XKR4: variants seen among roughly 807,000 people sequenced by gnomAD.
XKR4 encodes XK related 4.
Under a neutral mutation model 53.9 loss-of-function variants are expected in XKR4, and 12 were observed. That is an observed-to-expected ratio of 0.22 (90% confidence interval 0.14 to 0.36). The LOEUF (loss-of-function observed/expected upper bound fraction) is 0.36, where lower values mean the gene tolerates loss of function less well. Ranked by LOEUF, XKR4 falls within the 10% of genes least tolerant of loss-of-function variation. The pLI is 1.00. For missense variants in XKR4, 799 were observed against 859.5 expected, an observed-to-expected ratio of 0.93 and a Z score of 0.88; for synonymous variants, 354 against 362.4, an observed-to-expected ratio of 0.98 and a Z score of 0.26.
At chr8:55,400,282 T>A (rs1804579477) in intron 2 of XKR4, among the ~76,000 whole-genome samples, 1 of 152,098 alleles carries the variant, frequency 6.6e-6, no homozygotes, top group African/African-American at 2.4e-5. Context: ...CACCCCACCA[T>A]CATCAGACTC....
At chr8:55,501,211 C>T (rs1255961803) in intron 2 of XKR4, among the ~76,000 whole-genome samples, 5 of 152,134 alleles carry the variant, frequency 3.3e-5, no homozygotes, top group East Asian at 1.9e-4. Flanking sequence ...GTACAACTTC[C>T]GCTTGAACTG....
intron 1 of XKR4, among the ~76,000 whole-genome samples, chr8:55,302,256 C>T (rs1393901642): frequency 1.3e-5 from 2 of 152,182 alleles, no homozygotes; most frequent in Non-Finnish European, 2.9e-5. Context: ...ATAGGGAATC[C>T]TTTCCCCATT....
rs146370392 is a variant in XKR4 at position 55,440,148 on chromosome 8, T to C, written c.1006+82271T>C. Among the ~76,000 whole-genome samples the C allele has an allele frequency of 1.7e-3, 264 of 152,302 alleles. 1 individual carries two copies. The highest frequency in any genetic ancestry group is 3.2e-3 in the Non-Finnish European group (220 of 68,010). ...AGAAGTGTGTATCCAGAATATAGTA[T>C]GTTTTAGTTACAAGAGTGAAATATA... is the stretch of plus-strand genomic sequence containing the variant. On this transcript the variant is annotated intron_variant, in intron 2 of 2. Coordinates refer to ENST00000327381, the MANE Select transcript of XKR4 (RefSeq NM_052898.2).
intron 1 of XKR4, among the ~76,000 whole-genome samples, chr8:55,263,276 T>C (rs761761643): frequency 2.0e-5 from 3 of 152,232 alleles, no homozygotes; most frequent in Non-Finnish European, 4.4e-5. Flanking sequence ...GGAGAACGTA[T>C]GGATGTGTGA....
chr8:55,277,778 C>CCCATGTG (rs1818784846), intron 1 of XKR4, among the ~76,000 whole-genome samples: 1 of 152,028 alleles, frequency 6.6e-6, no homozygotes, highest in Non-Finnish European at 1.5e-5. Flanking sequence ...CAGAGGGAGG[C>CCCATGTG]CCATGTGCCA....
chr8:55,429,570 C>T (rs1321152657), intron 2 of XKR4, among the ~76,000 whole-genome samples: 1 of 151,794 alleles, frequency 6.6e-6, no homozygotes, highest in African/African-American at 2.4e-5. Flanking sequence ...TTTAAATTAG[C>T]CAGGTGTGGT....
chr8:55,111,249 G>C (rs1816226689), intron 1 of XKR4, among the ~76,000 whole-genome samples: 1 of 152,060 alleles, frequency 6.6e-6, no homozygotes, highest in Non-Finnish European at 1.5e-5. Context: ...TCTTCTTTTG[G>C]TTTCCTCCTT....
chr8:55,195,552 A>C (rs1817494211), intron 1 of XKR4, among the ~76,000 whole-genome samples: 1 of 152,000 alleles, frequency 6.6e-6, no homozygotes, highest in South Asian at 2.1e-4. Flanking sequence ...TGGAGTTATA[A>C]AAAATATCTA....
intron 1 of XKR4, among the ~76,000 whole-genome samples, chr8:55,316,293 G>C (rs1299973079): frequency 6.6e-6 from 1 of 152,142 alleles, no homozygotes; most frequent in Non-Finnish European, 1.5e-5. Context: ...CCGATTCTCA[G>C]GCTGTGAAAA....
At chr8:55,426,644 G>A (rs1381059908) in intron 2 of XKR4, among the ~76,000 whole-genome samples, 1 of 152,128 alleles carries the variant, frequency 6.6e-6, no homozygotes, top group Non-Finnish European at 1.5e-5. Context: ...AAATAAGCAA[G>A]CAAATGATGA....
chr8:55,209,236 C>T (rs1327611865), intron 1 of XKR4, among the ~76,000 whole-genome samples: 2 of 114,638 alleles, frequency 1.7e-5, no homozygotes, highest in African/African-American at 6.1e-5. Flanking sequence ...TGTTATTCTT[C>T]TCTCACCTGC....
intron 1 of XKR4, among the ~76,000 whole-genome samples, chr8:55,152,377 A>G (rs1371845595): frequency 2.6e-5 from 4 of 152,170 alleles, no homozygotes; most frequent in Non-Finnish European, 4.4e-5. Context: ...ATCCAATAAG[A>G]TGTTCATTAT....
chr8:55,457,300 G>A (rs1448648615), intron 2 of XKR4, among the ~76,000 whole-genome samples: 3 of 151,822 alleles, frequency 2.0e-5, no homozygotes, highest in Non-Finnish European at 1.5e-5. Context: ...CCACCACCAC[G>A]CCCAGCTAAT....
In XKR4 at chr8:55,530,193, A is replaced by C. The variant is rs1806930188; in HGVS notation, c.*5966A>C. 1.5e-5 allele frequency: 2 copies of C among 129,846 alleles called. No homozygotes were observed. Among genetic ancestry groups the C allele is most frequent in the Non-Finnish European group, 3.4e-5 (2 of 58,440 alleles). 8.0% of individuals were successfully genotyped at this position (129,846 alleles called of 1,614,324 possible). On this transcript the variant is annotated 3_prime_UTR_variant, in exon 3 of 3. Coordinates refer to ENST00000327381, the MANE Select transcript of XKR4 (RefSeq NM_052898.2). ...GAAGGAAGGAAGGAAGGAAGGAAGG[A>C]AGGAAGGAAGGAAGGAGATTTAACA... is the stretch of plus-strand genomic sequence containing the variant.
At chr8:55,208,664 A>G (rs1264531713) in intron 1 of XKR4, among the ~76,000 whole-genome samples, 2 of 151,908 alleles carry the variant, frequency 1.3e-5, no homozygotes, top group African/African-American at 4.8e-5. Context: ...ACGGGATTTC[A>G]CCATATTGGC....
intron 2 of XKR4, among the ~76,000 whole-genome samples, chr8:55,424,407 G>A (rs982048153): frequency 6.6e-6 from 1 of 152,214 alleles, no homozygotes; most frequent in Non-Finnish European, 1.5e-5. Flanking sequence ...TTCACGCAAT[G>A]ATTCTATCAG....
intron 2 of XKR4, chr8:55,452,084 G>T: frequency 1.4e-6 from 1 of 703,172 alleles, no homozygotes; most frequent in Non-Finnish European, 2.6e-6. Flanking sequence ...GTGGCTGGCC[G>T]GGTGTGTAGG....
chr8:55,294,742 A>T (rs185321227), intron 1 of XKR4, among the ~76,000 whole-genome samples: 3 of 152,152 alleles, frequency 2.0e-5, no homozygotes, highest in Non-Finnish European at 2.9e-5. Flanking sequence ...TTCCTTTAGC[A>T]TACTTCTATC....
chr8:55,505,714 A>G (rs925470121), intron 2 of XKR4, among the ~76,000 whole-genome samples: 1 of 152,186 alleles, frequency 6.6e-6, no homozygotes, highest in Non-Finnish European at 1.5e-5. Flanking sequence ...ATGGTTTAGG[A>G]CCTGTTTTGT....
Sources: gnomAD v4.1 joint callset for allele counts (sites outside exome capture counted in the v4.1 genomes callset) on GRCh38, gnomAD v4.1.1 for gene constraint, MANE v1.5 for transcripts, NCBI Gene and HGNC (gene_info 2026-07-23, HGNC 2026-07-21) for gene names.